The following NADK variants were observed in gnomAD, a reference collection of about 807,000 sequenced individuals.
NADK encodes NAD kinase.
A neutral mutation model predicts 49.8 loss-of-function variants in NADK; 22 were observed. The observed-to-expected ratio is 0.44, with a 90% CI of 0.32 to 0.63. NADK has a LOEUF of 0.63. NADK is among the 30% of genes least tolerant of loss of function. NADK has a pLI of 0.06. For synonymous variants in NADK, 268 were observed against 253.7 expected (o/e 1.06, Z -0.54); for missense variants, 438 against 609.4 (o/e 0.72, Z 2.96).
In NADK at chr1:1,762,692, G is replaced by A. The variant is rs1245263923; in HGVS notation, c.180-657C>T. Among the ~76,000 whole-genome samples the A allele has an allele frequency of 2.0e-5, 3 of 152,204 alleles. No homozygotes were observed. The South Asian group carries it at 6.2e-4, about 32-fold the overall frequency. On this transcript the variant is annotated intron_variant, in intron 2 of 11. Coordinates refer to ENST00000341426, the MANE Select transcript of NADK (RefSeq NM_023018.5). ...GAACTGCTTGAACCCAGGAGGTGGT[G>A]GTTGCAGTGAGCCGAGATCGAGCCA...
intron 2 of NADK, among the ~76,000 whole-genome samples, chr1:1,764,521 C>G (rs1045002295): frequency 6.6e-6 from 1 of 152,256 alleles, no homozygotes; most frequent in African/African-American, 2.4e-5. Context: ...CAGCCCTGCT[C>G]ACAGTGCAGA....
intron 1 of NADK, among the ~76,000 whole-genome samples, chr1:1,770,430 A>G (rs1646013101): frequency 6.6e-6 from 1 of 152,234 alleles, no homozygotes; most frequent in African/African-American, 2.4e-5. Context: ...CTATGTAGAA[A>G]AACAAATAAG....
chr1:1,755,667 G>A (rs1167405875), intron 6 of NADK, among the ~76,000 whole-genome samples, 191 bp from the exon 7 acceptor site: 1 of 152,230 alleles, frequency 6.6e-6, no homozygotes, highest in Non-Finnish European at 1.5e-5. Flanking sequence ...CCAGGGCCAA[G>A]GTTGGTGTGG....
chr1:1,764,644 G>A (rs1645829264), intron 2 of NADK, among the ~76,000 whole-genome samples: 1 of 152,206 alleles, frequency 6.6e-6, no homozygotes, highest in African/African-American at 2.4e-5. Context: ...GCTTGCACCG[G>A]TAATCCCAGC....
intron 1 of NADK, among the ~76,000 whole-genome samples, chr1:1,776,663 C>T (rs1169703153): frequency 1.3e-5 from 2 of 151,396 alleles, no homozygotes; most frequent in Non-Finnish European, 2.9e-5. Context: ...ATCCCAGCTA[C>T]TCAGGAGGCT....
At chr1:1,766,856 C>T (rs1200247501) in intron 1 of NADK, among the ~76,000 whole-genome samples, 1 of 151,916 alleles carries the variant, frequency 6.6e-6, no homozygotes, top group Non-Finnish European at 1.5e-5. Context: ...ATCCTCCCAA[C>T]TCAGCCTCCC....
At chr1:1,762,133 G>A (rs952898970) in intron 2 of NADK, 98 bp from the exon 3 acceptor site, 7 of 1,038,050 alleles carry the variant, frequency 6.7e-6, no homozygotes, top group African/African-American at 1.6e-5. Context: ...AGGCATACAT[G>A]CAATTTGAAA....
chr1:1,776,714 A>C (rs1323154349), intron 1 of NADK, among the ~76,000 whole-genome samples: 1 of 147,714 alleles, frequency 6.8e-6, no homozygotes, highest in Non-Finnish European at 1.5e-5. Context: ...TGGAGGTTGC[A>C]GTGAGCCGAG....
chr1:1,754,117 G>A lies in NADK; in HGVS notation c.1035C>T (p.Ile345=). 1 of 1,610,854 alleles carries A rather than the reference G, an allele frequency of 6.2e-7. No individual in the cohort carries two copies. Among genetic ancestry groups the A allele is most frequent in the Non-Finnish European group, 8.5e-7 (1 of 1,178,820 alleles). The change falls in exon 10 of 12, where the codon ATC becomes ATT. Residue 345 remains isoleucine (I), a synonymous_variant. Transcript: ENST00000341426. The surrounding 1 kb of genome is among the most constrained non-coding windows in gnomAD (Gnocchi z 4.3). ...MIHPNVPAIM[I]TPICPHSLSF... ...ACAGCGAGTGGGGGCAGATGGGCGT[G>A]ATCATGATGGCCGGCACGTTGGGGT... is the stretch of plus-strand genomic sequence containing the variant.
chr1:1,754,464 C>G lies in NADK; in HGVS notation c.843+80G>C. On this transcript the variant is annotated intron_variant, in intron 8 of 11. Coordinates refer to ENST00000341426, the MANE Select transcript of NADK (RefSeq NM_023018.5). The surrounding 1 kb of genome is among the most constrained non-coding windows in gnomAD (Gnocchi z 4.3). ...ACACCCTCCGTCTCACCCAGCCGGGCTCTCCGGAAGGTCCTCATCCCTGGG... is the reference window on the plus strand; with the variant it reads ...ACACCCTCCGTCTCACCCAGCCGGGGTCTCCGGAAGGTCCTCATCCCTGGG... 4 of 1,605,426 alleles carry G rather than the reference C, an allele frequency of 2.5e-6. No individual in the cohort carries two copies. The South Asian group carries it at 4.4e-5, about 18-fold the overall frequency.
intron 2 of NADK, among the ~76,000 whole-genome samples, chr1:1,762,967 C>T (rs1278182913): frequency 1.3e-5 from 2 of 152,224 alleles, no homozygotes; most frequent in Non-Finnish European, 2.9e-5. Flanking sequence ...GTCCTAGGTG[C>T]CCGGGAGCCT....
At chr1:1,756,969 A>C (rs1645545350) in intron 4 of NADK, 2 of 873,486 alleles carry the variant, frequency 2.3e-6, no homozygotes, top group Non-Finnish European at 3.8e-6. Flanking sequence ...CGAGCCCACC[A>C]GCTCATTGTT....
At chr1:1,768,171 CAAAA>C (rs1186857370) in intron 1 of NADK, among the ~76,000 whole-genome samples, 2 of 95,550 alleles carry the variant, frequency 2.1e-5, no homozygotes, top group Non-Finnish European at 2.2e-5. Context: ...AACTCCGTCT[CAAAA>C]AAAAAAAAAA....
Position 1,756,266 on chromosome 1 carries a change from G to C in NADK, c.577C>G (p.Leu193Val), listed in dbSNP as rs1645517605. 2 of 1,613,916 alleles carry C rather than the reference G, an allele frequency of 1.2e-6. No individual in the cohort carries two copies. Among genetic ancestry groups the C allele is most frequent in the Admixed American group, 3.3e-5 (2 of 60,014 alleles). ...GDGTLLYASS[L>V]FQGSVPPVMA... is the part of the protein sequence containing the mutation. Reference sequence around the variant, plus strand: ...AAATGTCAGCGCTTCACCTGGAAAAGCGAGGAAGCGTACAGCAGCGTCCCG... The same window carrying C: ...AAATGTCAGCGCTTCACCTGGAAAACCGAGGAAGCGTACAGCAGCGTCCCG... The change falls in exon 6 of 12, where the codon CTT becomes GTT. Residue 193 changes from leucine (L) to valine (V), a missense_variant. Transcript: ENST00000341426.
chr1:1,756,391 CCT>C (rs372288382), intron 5 of NADK, 48 bp from the exon 6 acceptor site: 23 of 1,607,870 alleles, frequency 1.4e-5, no homozygotes, highest in African/African-American at 1.2e-4. Flanking sequence ...CACAGTGGCC[CCT>C]CTGTGGCGCA....
intron 3 of NADK, among the ~76,000 whole-genome samples, chr1:1,758,022 C>T (rs1645585675): frequency 6.6e-6 from 1 of 152,212 alleles, no homozygotes; most frequent in South Asian, 2.1e-4. Flanking sequence ...ACGTTAGTCA[C>T]AGAAAACATC....
At position 1,776,773 on chromosome 1, in the gene NADK, A is replaced by T. The variant is rs371897488; in HGVS notation, c.-41+1516T>A. On this transcript the variant is annotated intron_variant, in intron 1 of 11. Coordinates refer to ENST00000341426, the MANE Select transcript of NADK (RefSeq NM_023018.5). ...GGGCAACAGAGCTAGACTCTGTCTT[A>T]AAAAAAAAAAAAAAAAAAAAAGACT... is the stretch of plus-strand genomic sequence containing the variant. 7.2e-3 allele frequency among the ~76,000 whole-genome samples: 163 copies of T among 22,618 alleles called. 1 individual carries two copies. In the Middle Eastern group the frequency reaches 0.088, roughly 12 times the overall value. 14.8% of individuals were successfully genotyped at this position (22,618 alleles called of 152,430 possible).
chr1:1,763,479 C>T (rs1162983125), intron 2 of NADK, among the ~76,000 whole-genome samples: 3 of 151,856 alleles, frequency 2.0e-5, no homozygotes, highest in African/African-American at 7.3e-5. Flanking sequence ...ATTAGACAGG[C>T]GTGGTGGCAT....
intron 5 of NADK, 66 bp from the exon 6 acceptor site, chr1:1,756,409 C>G: frequency 1.9e-6 from 3 of 1,608,580 alleles, no homozygotes; most frequent in Non-Finnish European, 2.6e-6. Flanking sequence ...GCGCAGTGCG[C>G]AGACACCAAT....
Sources: allele counts gnomAD v4.1 joint callset (sites outside exome capture counted in the v4.1 genomes callset), GRCh38; gene constraint gnomAD v4.1.1; non-coding constraint Gnocchi (gnomAD v3.1); transcripts MANE v1.5; gene names NCBI Gene and HGNC (gene_info 2026-07-23, HGNC 2026-07-21).